CSMD1: variants seen among roughly 807,000 people sequenced by gnomAD.
CSMD1 encodes CUB and Sushi multiple domains 1, also known as CUB and sushi domain-containing protein 1.
A neutral mutation model predicts 417.5 loss-of-function variants in CSMD1; 213 were observed. The observed-to-expected ratio is 0.51, with a 90% CI of 0.46 to 0.57. CSMD1 has a LOEUF of 0.57. Among genes scored for constraint, CSMD1 ranks in the 20% least tolerant of loss-of-function variants. The probability of loss-of-function intolerance (pLI) is 0.00; values close to 1 mark genes in which losing one functional copy is unlikely to be tolerated. For missense variants in CSMD1, 6,923 were observed against 4,529.7 expected (o/e 1.53, Z -15.17); for synonymous variants, 2,862 against 1,736.8 (o/e 1.65, Z -16.11).
At chr8:3,925,866 T>G (rs1238038060) in intron 5 of CSMD1, among the ~76,000 whole-genome samples, 2 of 152,022 alleles carry the variant, frequency 1.3e-5, no homozygotes, top group African/African-American at 2.4e-5. Context: ...CTTTATTAAT[T>G]TATTTTATTC....
chr8:4,035,158 G>C (rs1294855630), intron 3 of CSMD1, among the ~76,000 whole-genome samples: 4 of 149,426 alleles, frequency 2.7e-5, no homozygotes, highest in African/African-American at 4.8e-5. Context: ...GGTCCCAGGA[G>C]ATGATGGCGT....
In CSMD1 at chr8:3,772,343, A is replaced by T. The variant is rs1446990666; in HGVS notation, c.819-18301T>A. On this transcript the variant is annotated intron_variant, in intron 5 of 69. Coordinates refer to ENST00000635120, the MANE Select transcript of CSMD1 (RefSeq NM_033225.6). ...TATGTACATATATTTAGACATACAT[A>T]TATACATATATTTATATATACATAT... Among the ~76,000 whole-genome samples the T allele has an allele frequency of 1.4e-5, 2 of 143,050 alleles. 1 individual carries two copies. The allele number at this position is 143,050 out of a possible 152,430, so 93.8% of individuals were successfully genotyped here. A position where few individuals can be genotyped will look rare whatever the true frequency, so the allele number is the denominator to read the frequency against.
chr8:3,608,159 G>T (rs1801710989), intron 8 of CSMD1, among the ~76,000 whole-genome samples: 1 of 137,000 alleles, frequency 7.3e-6, no homozygotes, highest in Non-Finnish European at 1.5e-5. Context: ...GGGCAACAGA[G>T]CAAGAAGCCA....
intron 40 of CSMD1, among the ~76,000 whole-genome samples, chr8:3,149,609 T>C (rs567147207): frequency 2.0e-5 from 3 of 152,194 alleles, no homozygotes; most frequent in Admixed American, 6.5e-5. Flanking sequence ...TCCCAAGTAG[T>C]TGGGATTACA....
At chr8:4,630,043 A>G (rs1264391522) in intron 2 of CSMD1, among the ~76,000 whole-genome samples, 3 of 152,182 alleles carry the variant, frequency 2.0e-5, no homozygotes, top group Non-Finnish European at 4.4e-5. Context: ...CTGCTTTTTA[A>G]AAAAAGCCAA....
intron 1 of CSMD1, among the ~76,000 whole-genome samples, chr8:4,925,675 T>G (rs1033365582): frequency 6.6e-6 from 1 of 152,000 alleles, no homozygotes; most frequent in Non-Finnish European, 1.5e-5. Context: ...GCCTCCCAAG[T>G]AGCTGGGACT....
At chr8:3,441,653 T>C (rs750469081) in intron 12 of CSMD1, among the ~76,000 whole-genome samples, 1 of 152,068 alleles carries the variant, frequency 6.6e-6, no homozygotes, top group Admixed American at 6.6e-5. Context: ...CATAGCACAA[T>C]GCATTGCGCA....
At chr8:2,946,620 T>A (rs1333392791) in intron 68 of CSMD1, among the ~76,000 whole-genome samples, 1 of 152,264 alleles carries the variant, frequency 6.6e-6, no homozygotes, top group Non-Finnish European at 1.5e-5. Context: ...CTATATTACA[T>A]ATTGTTTATT....
intron 1 of CSMD1, among the ~76,000 whole-genome samples, chr8:4,720,083 T>G (rs1389147974): frequency 1.3e-5 from 2 of 151,932 alleles, no homozygotes; most frequent in Non-Finnish European, 2.9e-5. Flanking sequence ...AATGAAATAT[T>G]TTTTATGTAA....
chr8:4,030,127 G>C (rs1376997632), intron 4 of CSMD1, among the ~76,000 whole-genome samples: 1 of 152,160 alleles, frequency 6.6e-6, no homozygotes, highest in African/African-American at 2.4e-5. Context: ...GCTTTTCCAG[G>C]TGCATGATGC....
chr8:4,220,935 A>T (rs78030114), intron 3 of CSMD1, among the ~76,000 whole-genome samples: 4,735 of 152,284 alleles, frequency 0.031, 113 homozygotes, highest in Non-Finnish European at 0.047. Context: ...GTGTGTGCAC[A>T]GTTCACACCA....
At chr8:4,676,954 ATATC>A (rs1472805161) in intron 1 of CSMD1, among the ~76,000 whole-genome samples, 10 of 146,958 alleles carry the variant, frequency 6.8e-5, no homozygotes, top group East Asian at 1.9e-4. Context: ...GAAATTATAT[ATATC>A]TATCATATAT....
chr8:4,336,790 C>A (rs1317812240), intron 3 of CSMD1, among the ~76,000 whole-genome samples: 1 of 151,984 alleles, frequency 6.6e-6, no homozygotes, highest in African/African-American at 2.4e-5. Flanking sequence ...AGGGAGATGC[C>A]GCCTGGATGA....
intron 2 of CSMD1, among the ~76,000 whole-genome samples, chr8:4,611,389 A>G (rs1329752194): frequency 1.3e-5 from 2 of 152,178 alleles, no homozygotes; most frequent in Non-Finnish European, 2.9e-5. Context: ...CCCACTGGCT[A>G]TCTGGTTAGT....
rs571908603 is a variant in CSMD1, at chr8:3,495,150, T to C, written c.1345-1424A>G. Among the ~76,000 whole-genome samples, 5 of 152,362 alleles carry C rather than the reference T, an allele frequency of 3.3e-5. No individual in the cohort carries two copies. In the South Asian group the frequency reaches 1.0e-3, roughly 32 times the overall value. On this transcript the variant is annotated intron_variant, in intron 10 of 69. Transcript: ENST00000635120. ...AATAGGTGTCGAGGTTGATAGCTGT[T>C]GCAAACCAGTATAAATACTGCATGT...
intron 26 of CSMD1, among the ~76,000 whole-genome samples, chr8:3,265,018 A>G (rs1174926144): frequency 1.3e-5 from 2 of 152,168 alleles, no homozygotes; most frequent in Non-Finnish European, 2.9e-5. Flanking sequence ...CTCTGTGAGA[A>G]TTTAAATTAT....
chr8:4,242,634 T>C (rs1275870608), intron 3 of CSMD1, among the ~76,000 whole-genome samples: 1 of 152,188 alleles, frequency 6.6e-6, no homozygotes, highest in Non-Finnish European at 1.5e-5. Flanking sequence ...GAGGCATCTT[T>C]GTGTGTTTGG....
rs57318492 is a variant in CSMD1 at position 3,788,867 on chromosome 8, G to A, written c.819-34825C>T. Among the ~76,000 whole-genome samples, 214 of 152,196 alleles carry A rather than the reference G, an allele frequency of 1.4e-3. 1 individual carries two copies. Among genetic ancestry groups the A allele is most frequent in the African/African-American group, 4.3e-3 (180 of 41,532 alleles). ...ATTCTGGGGTAGAAATTATGATCTC[G>A]CCCATTTTATACCTGAAGAAACACA... On this transcript the variant is annotated intron_variant, in intron 5 of 69. Transcript: ENST00000635120.
At chr8:4,467,187 T>C (rs1487947785) in intron 2 of CSMD1, among the ~76,000 whole-genome samples, 2 of 148,724 alleles carry the variant, frequency 1.3e-5, no homozygotes, top group Non-Finnish European at 3.0e-5. Flanking sequence ...CTGTAAACAA[T>C]GTTCAAAGTC....
Sources: allele counts gnomAD v4.1 joint callset (sites outside exome capture counted in the v4.1 genomes callset), GRCh38; gene constraint gnomAD v4.1.1; transcripts MANE v1.5; gene names NCBI Gene and HGNC (gene_info 2026-07-23, HGNC 2026-07-21).